GHRH: variants seen among roughly 807,000 people sequenced by gnomAD.
GHRH encodes the protein somatoliberin.
Under a neutral mutation model 15.6 loss-of-function variants are expected in GHRH, and 7 were observed. That is an observed-to-expected ratio of 0.45 (90% CI 0.26 to 0.84). GHRH has a LOEUF of 0.84. Among genes scored for constraint, GHRH ranks in the 40% least tolerant of loss-of-function variants. The pLI is 0.18. For missense variants in GHRH, 117 were observed against 138.0 expected (o/e 0.85, Z 0.76); for synonymous variants, 54 against 50.4 (o/e 1.07, Z -0.30).
At chr20:37,257,774 A>G (rs2068665909) in intron 1 of GHRH, among the ~76,000 whole-genome samples, 1 of 152,178 alleles carries the variant, frequency 6.6e-6, no homozygotes, top group Admixed American at 6.5e-5. Context: ...CATAAAACCA[A>G]GATAGTAACT....
Position 37,255,897 on chromosome 20 carries a change from A to C in GHRH, c.188+497T>G, listed in dbSNP as rs141565810. 2.6e-4 allele frequency among the ~76,000 whole-genome samples: 40 copies of C among 152,138 alleles called. No individual in the cohort carries two copies. The East Asian group carries it at 6.0e-3, about 23-fold the overall frequency. On this transcript the variant is annotated intron_variant, in intron 3 of 4. Transcript: ENST00000373614. ...ATAAAATAGTCAGTTGTGGTGGTGCACACTGGTAGTCCTAGCTACTTGGTA... is the reference window on the plus strand; with the variant it reads ...ATAAAATAGTCAGTTGTGGTGGTGCCCACTGGTAGTCCTAGCTACTTGGTA...
chr20:37,253,335 A>AG (rs2068633780), intron 4 of GHRH, among the ~76,000 whole-genome samples: 1 of 152,178 alleles, frequency 6.6e-6, no homozygotes, highest in South Asian at 2.1e-4. Flanking sequence ...AGGGTGTGGG[A>AG]GGGCTGGTCT....
intron 4 of GHRH, 123 bp downstream of exon 4, chr20:37,254,087 T>C (rs2068640160): frequency 1.0e-5 from 10 of 987,982 alleles, no homozygotes; most frequent in Non-Finnish European, 1.4e-5. Flanking sequence ...AGGGTCCTTG[T>C]TCTTGGTTTG....
rs1156568188 is a variant in GHRH, at chr20:37,258,312, C to T, written c.-19-1404G>A. Reference sequence around the variant, plus strand: ...ATCCATCCAGAAGCCCAGCCAGCCCCGGAGGTGGCCAGCACCCCCGCCTTT... The same window carrying T: ...ATCCATCCAGAAGCCCAGCCAGCCCTGGAGGTGGCCAGCACCCCCGCCTTT... On this transcript the variant is annotated intron_variant, in intron 1 of 4. Coordinates refer to ENST00000373614, the MANE Select transcript of GHRH (RefSeq NM_021081.6). This position sits in a 1 kb window ranked among gnomAD's most constrained non-coding sequence, Gnocchi z 4.1. Among the ~76,000 whole-genome samples, 1 of 140,998 alleles carries T rather than the reference C, an allele frequency of 7.1e-6. No homozygotes were observed. Among genetic ancestry groups the T allele is most frequent in the Non-Finnish European group, 1.6e-5 (1 of 63,338 alleles). The allele number at this position is 140,998 out of a possible 152,430, so 92.5% of individuals were successfully genotyped here. A position where few individuals can be genotyped will look rare whatever the true frequency, so the allele number is the denominator to read the frequency against.
At chr20:37,259,127 T>G (rs1390771699) in intron 1 of GHRH, among the ~76,000 whole-genome samples, 1 of 152,162 alleles carries the variant, frequency 6.6e-6, no homozygotes, top group African/African-American at 2.4e-5. Flanking sequence ...CCTCTACTGT[T>G]CCGGTAAGGA....
intron 1 of GHRH, 79 bp from the exon 2 acceptor site, chr20:37,256,987 G>C: frequency 1.2e-6 from 1 of 854,670 alleles, no homozygotes; most frequent in South Asian, 1.5e-5. Context: ...CCTGGGCTTG[G>C]CTCCATGGCA....
chr20:37,260,556 G>A (rs2068682616), intron 1 of GHRH, among the ~76,000 whole-genome samples: 1 of 152,152 alleles, frequency 6.6e-6, no homozygotes, highest in South Asian at 2.1e-4. Flanking sequence ...CTGCACAGTA[G>A]CCTAAATGTC....
At position 37,258,251 on chromosome 20, in the gene GHRH, C is replaced by G. The variant is rs925951567; in HGVS notation, c.-19-1343G>C. Among the ~76,000 whole-genome samples, 8 of 152,190 alleles carry G rather than the reference C, an allele frequency of 5.3e-5. No homozygotes were observed. Among genetic ancestry groups the G allele is most frequent in the African/African-American group, 1.9e-4 (8 of 41,452 alleles). On this transcript the variant is annotated intron_variant, in intron 1 of 4. Transcript: ENST00000373614. The surrounding 1 kb of genome is among the most constrained non-coding windows in gnomAD (Gnocchi z 4.1). ...CCTCCCATCTCCCATGGGTTTCTCCCTCTCTCAGCAGGATGTCTACTCCAT... is the reference window on the plus strand; with the variant it reads ...CCTCCCATCTCCCATGGGTTTCTCCGTCTCTCAGCAGGATGTCTACTCCAT...
intron 1 of GHRH, among the ~76,000 whole-genome samples, chr20:37,260,072 T>A (rs933034825): frequency 1.3e-5 from 2 of 152,120 alleles, no homozygotes; most frequent in Middle Eastern, 3.2e-3. Context: ...TTCAGGGAGT[T>A]GAAACAACCT....
intron 3 of GHRH, 57 bp from the exon 4 acceptor site, chr20:37,254,386 G>C (rs867432146): frequency 6.3e-7 from 1 of 1,577,138 alleles, no homozygotes; most frequent in East Asian, 2.2e-5. Flanking sequence ...GGAAAGGCAG[G>C]GGTATATCCC....
intron 4 of GHRH, among the ~76,000 whole-genome samples, chr20:37,253,394 C>T (rs1476501886): frequency 1.3e-5 from 2 of 152,200 alleles, no homozygotes; most frequent in Non-Finnish European, 2.9e-5. Context: ...CCAGAGCATG[C>T]CTGTCAGTTC....
chr20:37,255,529 C>T (rs1288848657), intron 3 of GHRH, among the ~76,000 whole-genome samples: 7 of 151,610 alleles, frequency 4.6e-5, no homozygotes, highest in South Asian at 2.1e-4. Flanking sequence ...GGCATGGTGG[C>T]GGGCACCTGT....
chr20:37,253,396 T>C (rs2068634260), intron 4 of GHRH, among the ~76,000 whole-genome samples: 1 of 152,238 alleles, frequency 6.6e-6, no homozygotes, highest in East Asian at 1.9e-4. Context: ...AGAGCATGCC[T>C]GTCAGTTCAC....
At chr20:37,256,537 G>A in intron 2 of GHRH, 39 bp from the exon 3 acceptor site, 1 of 1,323,224 alleles carries the variant, frequency 7.6e-7, no homozygotes. Flanking sequence ...GCGGGGTGGA[G>A]GCCAGGCGAG....
intron 4 of GHRH, among the ~76,000 whole-genome samples, chr20:37,251,738 G>A (rs1412555648): frequency 1.3e-5 from 2 of 152,136 alleles, no homozygotes; most frequent in Admixed American, 6.5e-5. Context: ...GGCTAAACCC[G>A]AGCCTCAGTT....
At position 37,256,568 on chromosome 20, in the gene GHRH, C is replaced by T. The variant is rs41303817; in HGVS notation, c.84-70G>A. ...GCGAGAGGACAGTCGTGGCTGCACTCGCCATGTCTCTGCAAGATCCTTCTG... is the reference window on the plus strand; with the variant it reads ...GCGAGAGGACAGTCGTGGCTGCACTTGCCATGTCTCTGCAAGATCCTTCTG... On this transcript the variant is annotated intron_variant, in intron 2 of 4. Coordinates refer to ENST00000373614, the MANE Select transcript of GHRH (RefSeq NM_021081.6). 1,191 of 959,588 alleles carry T rather than the reference C, an allele frequency of 1.2e-3. 2 individuals are homozygous for T. The highest frequency in any genetic ancestry group is 1.7e-3 in the Non-Finnish European group (1,022 of 611,412). 59.4% of individuals were successfully genotyped at this position (959,588 alleles called of 1,614,324 possible).
chr20:37,256,746 C>A (rs555141581), intron 2 of GHRH, 61 bp downstream of exon 2: 1 of 1,336,420 alleles, frequency 7.5e-7, no homozygotes, highest in East Asian at 2.3e-5. Context: ...CATTCACTAA[C>A]GCCTGCCCCA....
At position 37,259,838 on chromosome 20, in the gene GHRH, C is replaced by T. The variant is rs369882897; in HGVS notation, c.-20+1905G>A. 8.1e-4 allele frequency among the ~76,000 whole-genome samples: 124 copies of T among 152,324 alleles called. 2 individuals are homozygous for T. The highest frequency in any genetic ancestry group is 5.2e-3 in the Admixed American group (79 of 15,296). Reference sequence around the variant, plus strand: ...AGAGTGGGCCTCCTCATTCCCAGGCCGGCAGACTTCCTTCCGCTCCATGCA... The same window carrying T: ...AGAGTGGGCCTCCTCATTCCCAGGCTGGCAGACTTCCTTCCGCTCCATGCA... On this transcript the variant is annotated intron_variant, in intron 1 of 4. Transcript: ENST00000373614.
chr20:37,253,557 A>G (rs758712716), intron 4 of GHRH, among the ~76,000 whole-genome samples: 3 of 152,184 alleles, frequency 2.0e-5, no homozygotes, highest in Admixed American at 1.3e-4. Flanking sequence ...TGCGGTCTCC[A>G]TCAGACACTT....
Sources: gnomAD v4.1 joint callset for allele counts (sites outside exome capture counted in the v4.1 genomes callset) on GRCh38, gnomAD v4.1.1 for gene constraint, Gnocchi (gnomAD v3.1) non-coding constraint, MANE v1.5 for transcripts, NCBI Gene and HGNC (gene_info 2026-07-23, HGNC 2026-07-21) for gene names.